ADAM23: variants seen among roughly 807,000 people sequenced by gnomAD.
ADAM23 encodes the protein disintegrin and metalloproteinase domain-containing protein 23.
A neutral mutation model predicts 120.1 loss-of-function variants in ADAM23; 33 were observed. The ratio of observed to expected loss-of-function variants is 0.27; its 90% CI spans 0.21 to 0.37. ADAM23 has a LOEUF of 0.37. Ranked by LOEUF, ADAM23 falls within the 10% of genes least tolerant of loss-of-function variation. The probability of loss-of-function intolerance (pLI) is 1.00; values close to 1 mark genes in which losing one functional copy is unlikely to be tolerated. For missense variants in ADAM23, 862 were observed against 1,058.2 expected (o/e 0.81, Z 2.57); for synonymous variants, 367 against 375.2 (o/e 0.98, Z 0.25).
rs1697980343 is a variant in ADAM23, at chr2:206,570,780, C to T, written c.1535C>T (p.Ala512Val). Residue 512 changes from alanine (A) to valine (V), a missense_variant, in exon 16 of 26, where the codon GCT (alanine) becomes GTT (valine). Ala to Val is a moderately conservative substitution (Grantham distance 64). Coordinates refer to ENST00000264377, the MANE Select transcript of ADAM23 (RefSeq NM_003812.4). The stretch of plus-strand genomic sequence containing the variant: ...GAATGTGGAAATGGATACGTGGAAG[C>T]TGGGGAGGAGTGTGATTGTGGTTTT... ...PTECGNGYVE[A>V]GEECDCGFHV... 6.2e-7 allele frequency: 1 copy of T among 1,613,718 alleles called. No individual in the cohort carries two copies. Among genetic ancestry groups the T allele is most frequent in the Non-Finnish European group, 8.5e-7 (1 of 1,179,816 alleles).
rs776712809 is a variant in ADAM23, at chr2:206,573,096, A to G, written c.1657-19A>G. 3.7e-6 allele frequency: 6 copies of G among 1,612,474 alleles called. No homozygotes were observed. The highest frequency in any genetic ancestry group is 1.7e-5 in the Admixed American group (1 of 60,000). On this transcript the variant is annotated intron_variant, in intron 17 of 25. Transcript: ENST00000264377. Reference sequence around the variant, plus strand: ...ATATTATGTAATGCTAACTCTTAATATTGAATTTTGATTTGCAGTTTCAGC... The same window carrying G: ...ATATTATGTAATGCTAACTCTTAATGTTGAATTTTGATTTGCAGTTTCAGC...
chr2:206,617,636 C>T lies in ADAM23; in HGVS notation c.*9C>T, dbSNP rs778744606. ...AGCAAGGCCCCATCTGAATCAGCTG[C>T]GCTGGATGGACACCGCCTTGCACTG... On this transcript the variant is annotated 3_prime_UTR_variant, in exon 26 of 26. Transcript: ENST00000264377. The T allele has an allele frequency of 1.7e-5, 27 of 1,613,258 alleles. 1 individual carries two copies. Among genetic ancestry groups the T allele is most frequent in the African/African-American group, 1.3e-4 (10 of 74,900 alleles).
At chr2:206,515,593 A>G (rs960978376) in intron 3 of ADAM23, among the ~76,000 whole-genome samples, 24 of 152,196 alleles carry the variant, frequency 1.6e-4, no homozygotes, top group African/African-American at 5.5e-4. Flanking sequence ...AAAGTCAGAT[A>G]TAGTTCAAAT....
intron 3 of ADAM23, among the ~76,000 whole-genome samples, chr2:206,522,394 T>G (rs748401378): frequency 2.6e-5 from 4 of 152,138 alleles, no homozygotes; most frequent in Admixed American, 6.6e-5. Flanking sequence ...TTGGCTATTT[T>G]ATATATACCT....
intron 18 of ADAM23, among the ~76,000 whole-genome samples, chr2:206,582,033 A>G (rs1698228487): frequency 6.6e-6 from 1 of 152,140 alleles, no homozygotes; most frequent in South Asian, 2.1e-4. Context: ...AGGTGCCACC[A>G]TGCCTGGCTA....
intron 2 of ADAM23, among the ~76,000 whole-genome samples, chr2:206,457,370 C>G (rs1695321165): frequency 6.6e-6 from 1 of 152,144 alleles, no homozygotes; most frequent in Non-Finnish European, 1.5e-5. Flanking sequence ...TTAGCGTGAC[C>G]AAAACGACCA....
At chr2:206,511,302 T>C (rs560912426) in intron 3 of ADAM23, among the ~76,000 whole-genome samples, 1 of 152,354 alleles carries the variant, frequency 6.6e-6, no homozygotes, top group East Asian at 1.9e-4. Context: ...TGTTTTCTTA[T>C]GATGCATATC....
intron 24 of ADAM23, among the ~76,000 whole-genome samples, chr2:206,600,361 G>C (rs965168847): frequency 6.6e-6 from 1 of 152,062 alleles, no homozygotes; most frequent in Non-Finnish European, 1.5e-5. Flanking sequence ...CATAGATGAA[G>C]GTTTTCTGTA....
intron 5 of ADAM23, 26 bp downstream of exon 5, chr2:206,542,160 T>G: frequency 1.9e-6 from 3 of 1,603,142 alleles, no homozygotes; most frequent in Non-Finnish European, 1.7e-6. Flanking sequence ...ATTGGCATTT[T>G]ATTCATTGAC....
At chr2:206,484,251 A>G (rs1480666269) in intron 3 of ADAM23, among the ~76,000 whole-genome samples, 1 of 152,076 alleles carries the variant, frequency 6.6e-6, no homozygotes, top group Non-Finnish European at 1.5e-5. Context: ...TATCTACTGT[A>G]GGGGTTGGGA....
intron 2 of ADAM23, among the ~76,000 whole-genome samples, chr2:206,452,978 T>C (rs1695227984): frequency 6.6e-6 from 1 of 152,228 alleles, no homozygotes; most frequent in African/African-American, 2.4e-5. Context: ...GATTAATCTT[T>C]ATGGAACACT....
intron 22 of ADAM23, 78 bp from the exon 23 acceptor site, chr2:206,594,659 G>A (rs557542018): frequency 6.5e-7 from 1 of 1,544,600 alleles, no homozygotes; most frequent in African/African-American, 1.4e-5. Context: ...CTTCGGTTTT[G>A]TGAAGAGCAA....
intron 18 of ADAM23, among the ~76,000 whole-genome samples, chr2:206,585,616 A>G (rs1182147395): frequency 6.6e-6 from 1 of 152,158 alleles, no homozygotes; most frequent in Non-Finnish European, 1.5e-5. Context: ...GTATCTGGTT[A>G]TTGAGTCATT....
chr2:206,576,828 A>G (rs937524495), intron 18 of ADAM23, among the ~76,000 whole-genome samples: 3 of 152,234 alleles, frequency 2.0e-5, no homozygotes, highest in Admixed American at 6.5e-5. Context: ...TTGACAAACA[A>G]TACTGGTGGA....
At chr2:206,582,079 T>A (rs1240282045) in intron 18 of ADAM23, among the ~76,000 whole-genome samples, 1 of 152,214 alleles carries the variant, frequency 6.6e-6, no homozygotes, top group Admixed American at 6.5e-5. Context: ...AGTTTCACTA[T>A]GTTGGTCAGG....
chr2:206,515,809 C>A (rs1696717803), intron 3 of ADAM23, among the ~76,000 whole-genome samples: 1 of 151,470 alleles, frequency 6.6e-6, no homozygotes, highest in African/African-American at 2.4e-5. Flanking sequence ...GTGCTTTTCA[C>A]CTCCCACATG....
intron 15 of ADAM23, 100 bp from the exon 16 acceptor site, chr2:206,570,640 A>G: frequency 1.2e-6 from 1 of 857,008 alleles, no homozygotes; most frequent in Non-Finnish European, 1.9e-6. Context: ...AGAATATCAC[A>G]TGATAGCTGA....
intron 3 of ADAM23, among the ~76,000 whole-genome samples, chr2:206,497,143 C>T (rs1165308694): frequency 6.6e-6 from 1 of 152,186 alleles, no homozygotes; most frequent in African/African-American, 2.4e-5. Context: ...TCCTCCCTAA[C>T]TCATTTTATG....
intron 3 of ADAM23, among the ~76,000 whole-genome samples, chr2:206,497,541 A>T (rs1574498036): frequency 6.6e-6 from 1 of 152,178 alleles, no homozygotes; most frequent in South Asian, 2.1e-4. Context: ...CCCACAGCCA[A>T]TATCATACTG....
Sources: gnomAD v4.1 joint callset for allele counts (sites outside exome capture counted in the v4.1 genomes callset) on GRCh38, gnomAD v4.1.1 for gene constraint, MANE v1.5 for transcripts, NCBI Gene and HGNC (gene_info 2026-07-23, HGNC 2026-07-21) for gene names.